The following MYO16 variants were observed in gnomAD, a reference collection of about 807,000 sequenced individuals.
MYO16 encodes the protein myosin XVI, also known as unconventional myosin-XVI.
Under a neutral mutation model 205.3 loss-of-function variants are expected in MYO16, and 94 were observed. The observed-to-expected ratio is 0.46, with a 90% CI of 0.39 to 0.54. The LOEUF is 0.54. MYO16 is among the 20% of genes least tolerant of loss of function. The pLI, the probability that MYO16 is intolerant of heterozygous loss-of-function variation, is 0.00. For missense variants in MYO16, 2,315 were observed against 2,387.5 expected, an observed-to-expected ratio of 0.97 and a Z score of 0.63; for synonymous variants, 988 against 954.0, an observed-to-expected ratio of 1.04 and a Z score of -0.66.
chr13:108,863,141 A>G (rs1489429637), intron 11 of MYO16, among the ~76,000 whole-genome samples: 2 of 152,168 alleles, frequency 1.3e-5, no homozygotes, highest in Admixed American at 6.6e-5. Context: ...TCAATGCCAT[A>G]TAGTCTGCAA....
At chr13:108,944,217 A>G (rs1163659746) in intron 16 of MYO16, among the ~76,000 whole-genome samples, 1 of 151,966 alleles carries the variant, frequency 6.6e-6, no homozygotes, top group Non-Finnish European at 1.5e-5. Context: ...AAAAAAAATA[A>G]TATTAGGTTA....
intron 23 of MYO16, among the ~76,000 whole-genome samples, chr13:109,022,742 A>C (rs1886122466): frequency 9.5e-6 from 1 of 105,724 alleles, no homozygotes; most frequent in Admixed American, 1.1e-4. Flanking sequence ...TATATTATAT[A>C]TATGCATATA....
At chr13:108,940,192 G>A (rs1882663992) in intron 16 of MYO16, among the ~76,000 whole-genome samples, 1 of 152,124 alleles carries the variant, frequency 6.6e-6, no homozygotes, top group Non-Finnish European at 1.5e-5. Flanking sequence ...GAGTAATTGA[G>A]AAGTTAAGGG....
intron 21 of MYO16, among the ~76,000 whole-genome samples, chr13:109,008,419 CTATCT>C (rs1885473439): frequency 7.4e-6 from 1 of 135,186 alleles, no homozygotes; most frequent in Non-Finnish European, 1.6e-5. Flanking sequence ...ACTGTACTAT[CTATCT>C]TGTGTATGCA....
chr13:108,619,782 C>T (rs1879475530), intron 1 of MYO16, among the ~76,000 whole-genome samples: 1 of 152,138 alleles, frequency 6.6e-6, no homozygotes, highest in Admixed American at 6.6e-5. Flanking sequence ...CTATGTGTGT[C>T]CTCCCCTCTC....
chr13:108,554,439 C>T, the MYO16 span, among the ~76,000 whole-genome samples: 1 of 152,146 alleles, frequency 6.6e-6, no homozygotes, highest in Non-Finnish European at 1.5e-5. Flanking sequence ...CTTAGCTTTG[C>T]CATCTCATTC....
intron 19 of MYO16, among the ~76,000 whole-genome samples, chr13:108,963,603 A>C (rs1212578833): frequency 2.0e-5 from 3 of 152,144 alleles, no homozygotes; most frequent in Non-Finnish European, 2.9e-5. Flanking sequence ...TCTGAAATGC[A>C]ATAGGCATTT....
At chr13:108,520,247 A>G in the MYO16 span, among the ~76,000 whole-genome samples, 1 of 152,132 alleles carries the variant, frequency 6.6e-6, no homozygotes, top group Admixed American at 6.5e-5. Flanking sequence ...AGTTTTAGTG[A>G]GAATCAAATT....
intron 1 of MYO16, among the ~76,000 whole-genome samples, chr13:108,652,507 C>T (rs979168426): frequency 4.6e-5 from 7 of 152,128 alleles, no homozygotes; most frequent in Non-Finnish European, 1.0e-4. Flanking sequence ...AAACAGATTT[C>T]CTGAACATTT....
At chr13:109,007,587 T>TGTGTGTG (rs1885442532) in intron 21 of MYO16, among the ~76,000 whole-genome samples, 1 of 124,516 alleles carries the variant, frequency 8.0e-6, no homozygotes, top group African/African-American at 3.0e-5. Context: ...TGTGTGTGTG[T>TGTGTGTG]TGATAGGAAA....
chr13:109,013,324 C>T (rs1594469310), intron 22 of MYO16, among the ~76,000 whole-genome samples: 1 of 152,072 alleles, frequency 6.6e-6, no homozygotes, highest in African/African-American at 2.4e-5. Flanking sequence ...GCATAGTATT[C>T]CATGGTGTAT....
At chr13:108,820,589 C>T (rs1229957396) in intron 8 of MYO16, among the ~76,000 whole-genome samples, 177 bp downstream of exon 8, 2 of 152,036 alleles carry the variant, frequency 1.3e-5, no homozygotes, top group Admixed American at 1.3e-4. Flanking sequence ...ATGATATAGG[C>T]GATGTGAATA....
chr13:108,885,668 G>C (rs1408360202), intron 13 of MYO16, among the ~76,000 whole-genome samples: 1 of 152,194 alleles, frequency 6.6e-6, no homozygotes, highest in Non-Finnish European at 1.5e-5. Context: ...CCCTTGACTA[G>C]ATTATTTCTA....
At chr13:108,591,608 T>C (rs531259007), upstream of MYO16, among the ~76,000 whole-genome samples, 207 of 152,332 alleles carry the variant, frequency 1.4e-3, no homozygotes, top group African/African-American at 4.9e-3. Flanking sequence ...TCATGACTTA[T>C]TTTTCCTAAC....
chr13:109,044,919 A>G (rs992646123), intron 23 of MYO16, among the ~76,000 whole-genome samples: 2 of 151,780 alleles, frequency 1.3e-5, no homozygotes, highest in African/African-American at 2.4e-5. Flanking sequence ...CAAACTCCTG[A>G]CCTCGTGATC....
At chr13:109,100,947 C>A in intron 28 of MYO16, 60 bp downstream of exon 28, 2 of 1,437,628 alleles carry the variant, frequency 1.4e-6, no homozygotes, top group South Asian at 2.4e-5. Context: ...TGAGCTGAGT[C>A]ATTGCAGGGA....
intron 28 of MYO16, among the ~76,000 whole-genome samples, chr13:109,117,047 G>A (rs12874352): frequency 3.5e-4 from 53 of 152,224 alleles, no homozygotes; most frequent in South Asian, 1.7e-3. Context: ...ATACAAACTG[G>A]TAGGCCAGTT....
At chr13:109,139,115 C>T (rs1013831301) in intron 31 of MYO16, among the ~76,000 whole-genome samples, 10 of 152,104 alleles carry the variant, frequency 6.6e-5, no homozygotes, top group Admixed American at 1.3e-4. Flanking sequence ...CCACCACTCC[C>T]GGCTAATTTT....
intron 2 of MYO16, among the ~76,000 whole-genome samples, chr13:108,705,275 C>T (rs768740973): frequency 6.6e-6 from 1 of 152,178 alleles, no homozygotes; most frequent in Admixed American, 6.5e-5. Flanking sequence ...CTCTTGTTAT[C>T]TAACCATTGA....
Sources: allele counts gnomAD v4.1 joint callset (sites outside exome capture counted in the v4.1 genomes callset), GRCh38; gene constraint gnomAD v4.1.1; transcripts MANE v1.5; gene names NCBI Gene and HGNC (gene_info 2026-07-23, HGNC 2026-07-21).